Variants in NTRK3 observed in about 807,000 individuals in gnomAD.
NTRK3 encodes NT-3 growth factor receptor.
In NTRK3, 24 loss-of-function variants were observed where a neutral mutation model predicts 91.7. That is an observed-to-expected ratio of 0.26 (90% CI 0.19 to 0.37). NTRK3 has a LOEUF of 0.37. NTRK3 is among the 10% of genes least tolerant of loss of function. The pLI, the probability that NTRK3 is intolerant of heterozygous loss-of-function variation, is 1.00. For synonymous variants in NTRK3, 483 were observed against 404.0 expected (o/e 1.20, Z -2.34); for missense variants, 880 against 1,068.9 (o/e 0.82, Z 2.46).
chr15:88,200,694 T>C (rs921162870), intron 3 of NTRK3, among the ~76,000 whole-genome samples: 7 of 152,234 alleles, frequency 4.6e-5, no homozygotes, highest in Admixed American at 4.6e-4. Flanking sequence ...TCCCCAGCCA[T>C]GTGGAACTGT....
intron 3 of NTRK3, among the ~76,000 whole-genome samples, chr15:88,200,447 T>C (rs1362006625): frequency 6.6e-6 from 1 of 152,192 alleles, no homozygotes; most frequent in African/African-American, 2.4e-5. Context: ...CCAAATCTCA[T>C]CTTGAGTTGT....
At chr15:88,146,912 A>G (rs1401178587) in intron 6 of NTRK3, among the ~76,000 whole-genome samples, 1 of 152,158 alleles carries the variant, frequency 6.6e-6, no homozygotes, top group Non-Finnish European at 1.5e-5. Context: ...CTCACCCATA[A>G]AATGCAGAGA....
intron 6 of NTRK3, chr15:88,144,270 A>T (rs985108638): frequency 2.0e-5 from 3 of 152,216 alleles, no homozygotes; most frequent in Non-Finnish European, 4.4e-5. Context: ...CTCCAATGCA[A>T]GTCATGGAAG....
Position 87,905,742 on chromosome 15 carries a change from A to C in NTRK3, c.2133+23449T>G, listed in dbSNP as rs972374882. Among the ~76,000 whole-genome samples the C allele has an allele frequency of 3.3e-5, 5 of 152,158 alleles. No individual in the cohort carries two copies. The East Asian group carries it at 7.7e-4, about 23-fold the overall frequency. ...CATTCTCCCCACCTCTATTATCTAT[A>C]CATAGACACCATGCATGGTCCCTCC... is the stretch of plus-strand genomic sequence containing the variant. On this transcript the variant is annotated intron_variant, in intron 17 of 18. Transcript: ENST00000394480.
At chr15:88,078,959 T>A (rs966606604) in intron 13 of NTRK3, among the ~76,000 whole-genome samples, 2 of 152,130 alleles carry the variant, frequency 1.3e-5, no homozygotes, top group Non-Finnish European at 2.9e-5. Flanking sequence ...CCCCAGTGGG[T>A]CTGAAGGACT....
At position 88,052,358 on chromosome 15, in the gene NTRK3, G is replaced by C. The variant is rs1265458777; in HGVS notation, c.1397-19313C>G. Among the ~76,000 whole-genome samples the C allele has an allele frequency of 2.6e-5, 4 of 152,178 alleles. No homozygotes were observed. The East Asian group carries it at 7.7e-4, about 29-fold the overall frequency. Reference sequence around the variant, plus strand: ...AGGAAGCTATGGCTCCAAGAGATGAGGTGACTTGCCTGAGCACACATGGCT... The same window carrying C: ...AGGAAGCTATGGCTCCAAGAGATGACGTGACTTGCCTGAGCACACATGGCT... On this transcript the variant is annotated intron_variant, in intron 13 of 18. Transcript: ENST00000394480.
intron 7 of NTRK3, 25 bp downstream of exon 7, chr15:88,137,378 GC>G (rs765134769): frequency 1.2e-6 from 2 of 1,612,018 alleles, no homozygotes; most frequent in Admixed American, 3.3e-5. Flanking sequence ...CCTGGAGCCA[GC>G]TGGGCCAGGC....
intron 5 of NTRK3, 83 bp from the exon 6 acceptor site, chr15:88,147,486 TG>T: frequency 3.5e-6 from 4 of 1,146,808 alleles, no homozygotes; most frequent in Non-Finnish European, 3.9e-6. Flanking sequence ...ATCATTTCAC[TG>T]GAGCCTGGCT....
chr15:88,112,966 G>A (rs553289207), intron 13 of NTRK3, among the ~76,000 whole-genome samples: 40 of 152,282 alleles, frequency 2.6e-4, no homozygotes, highest in African/African-American at 8.7e-4. Flanking sequence ...TAGGCTGGGG[G>A]CTTAGAGGGA....
At chr15:88,251,762 C>A (rs2053406165) in intron 3 of NTRK3, among the ~76,000 whole-genome samples, 1 of 152,262 alleles carries the variant, frequency 6.6e-6, no homozygotes, top group Admixed American at 6.5e-5. Flanking sequence ...CACAGCAGCA[C>A]CTCCTGTTCA....
intron 13 of NTRK3, among the ~76,000 whole-genome samples, chr15:88,116,648 C>T (rs2052112164): frequency 1.3e-5 from 2 of 152,162 alleles, no homozygotes; most frequent in Admixed American, 6.5e-5. Context: ...GCAGCATTGT[C>T]TGGGACCTTG....
rs543814370 is a variant in NTRK3 at position 87,997,334 on chromosome 15, G to A, written c.1585+35523C>T. 5.3e-5 allele frequency among the ~76,000 whole-genome samples: 8 copies of A among 152,232 alleles called. No individual in the cohort carries two copies. The South Asian group carries it at 1.7e-3, about 32-fold the overall frequency. ...GTGAGTGTCCTAAGAAGAGAGAGAA[G>A]GCGATGAAGCATCAATGAGACATTT... is the stretch of plus-strand genomic sequence containing the variant. On this transcript the variant is annotated intron_variant, in intron 14 of 18. Transcript: ENST00000394480.
At chr15:87,917,290 C>T (rs2067514543) in intron 17 of NTRK3, among the ~76,000 whole-genome samples, 1 of 152,166 alleles carries the variant, frequency 6.6e-6, no homozygotes, top group Non-Finnish European at 1.5e-5. Context: ...TAGCTTCCCT[C>T]TCCCACAGCT....
At chr15:88,227,978 C>T (rs2050829400) in intron 3 of NTRK3, among the ~76,000 whole-genome samples, 1 of 152,198 alleles carries the variant, frequency 6.6e-6, no homozygotes, top group Non-Finnish European at 1.5e-5. Flanking sequence ...CAGCCCTCAC[C>T]TCTAGACACA....
At chr15:87,991,332 T>C (rs1488508509) in intron 14 of NTRK3, among the ~76,000 whole-genome samples, 1 of 152,188 alleles carries the variant, frequency 6.6e-6, no homozygotes, top group Non-Finnish European at 1.5e-5. Context: ...ATCCAAAACC[T>C]ACCGGATTGG....
chr15:88,070,821 G>A (rs1045682847), intron 13 of NTRK3, among the ~76,000 whole-genome samples: 4 of 151,954 alleles, frequency 2.6e-5, no homozygotes, highest in African/African-American at 9.7e-5. Flanking sequence ...GACAACAAGG[G>A]GCCTCAGGAC....
At chr15:88,142,368 GC>G (rs2042467777) in intron 6 of NTRK3, among the ~76,000 whole-genome samples, 2 of 152,256 alleles carry the variant, frequency 1.3e-5, no homozygotes, top group Non-Finnish European at 2.9e-5. Flanking sequence ...CCCCAAGATG[GC>G]CTGGGGCCTA....
chr15:88,191,043 G>C (rs925335193), intron 3 of NTRK3, among the ~76,000 whole-genome samples: 1 of 152,192 alleles, frequency 6.6e-6, no homozygotes, highest in Non-Finnish European at 1.5e-5. Context: ...GAAGTTGCCA[G>C]TTAAGTGAAG....
In NTRK3 at chr15:88,033,063, G is replaced by C. The variant is rs768915046; in HGVS notation, c.1397-18C>G. On this transcript the variant is annotated intron_variant, in intron 13 of 18. Coordinates refer to ENST00000394480, the Ensembl canonical transcript of NTRK3. ...CACGGGACCTGCACACACCAAGAGA[G>C]ACGCAGGACCTGGTGACGTCACATC... is the stretch of plus-strand genomic sequence containing the variant. 7.1e-6 allele frequency: 11 copies of C among 1,560,142 alleles called. No individual in the cohort carries two copies. Among genetic ancestry groups the C allele is most frequent in the East Asian group, 2.4e-5 (1 of 42,444 alleles).
Sources: gnomAD v4.1 joint callset for allele counts (sites outside exome capture counted in the v4.1 genomes callset) on GRCh38, gnomAD v4.1.1 for gene constraint, MANE v1.5 for transcripts, NCBI Gene and HGNC (gene_info 2026-07-23, HGNC 2026-07-21) for gene names.